The following PIK3C2A variants were observed in gnomAD, a reference collection of about 807,000 sequenced individuals.
PIK3C2A encodes phosphatidylinositol 4-phosphate 3-kinase C2 domain-containing subunit alpha.
A neutral mutation model predicts 204.5 loss-of-function variants in PIK3C2A; 97 were observed. That is an observed-to-expected ratio of 0.47 (90% CI 0.40 to 0.56). PIK3C2A has a LOEUF of 0.56. PIK3C2A is among the 20% of genes least tolerant of loss of function. PIK3C2A has a pLI of 0.00. For synonymous variants in PIK3C2A, 653 were observed against 664.4 expected (o/e 0.98, Z 0.26); for missense variants, 1,735 against 1,969.2 (o/e 0.88, Z 2.25).
chr11:17,108,123 C>T lies in PIK3C2A; in HGVS notation c.3544+2309G>A, dbSNP rs549579711. Among the ~76,000 whole-genome samples, 16 of 152,320 alleles carry T rather than the reference C, an allele frequency of 1.1e-4. No homozygotes were observed. In the East Asian group the frequency reaches 2.9e-3, roughly 28 times the overall value. On this transcript the variant is annotated intron_variant, in intron 22 of 32. Coordinates refer to ENST00000691414, the MANE Select transcript of PIK3C2A (RefSeq NM_002645.4). Reference sequence around the variant, plus strand: ...CTGGCCTCAAGGGATCTGCCCGCCTCGGCCTCCCAAAGTGCTGGGATTACA... The same window carrying T: ...CTGGCCTCAAGGGATCTGCCCGCCTTGGCCTCCCAAAGTGCTGGGATTACA...
intron 8 of PIK3C2A, 32 bp from the exon 9 acceptor site, chr11:17,136,657 T>G: frequency 7.5e-7 from 1 of 1,331,294 alleles, no homozygotes; most frequent in Non-Finnish European, 1.0e-6. Context: ...TAAAAATAGG[T>G]AGGTGAAATT....
chr11:17,205,959 G>T (rs1852558096), intron 1 of PIK3C2A, among the ~76,000 whole-genome samples: 1 of 152,030 alleles, frequency 6.6e-6, no homozygotes, highest in Non-Finnish European at 1.5e-5. Context: ...AGTCTCTATT[G>T]AAAAAACACA....
intron 16 of PIK3C2A, 55 bp downstream of exon 16, chr11:17,119,731 A>T: frequency 9.2e-7 from 1 of 1,082,028 alleles, no homozygotes; most frequent in Non-Finnish European, 1.3e-6. Flanking sequence ...CTGGCAACAT[A>T]CCTTACTGGA....
chr11:17,122,028 TA>T (rs376913282), intron 15 of PIK3C2A, among the ~76,000 whole-genome samples, 159 bp downstream of exon 15: 302 of 134,542 alleles, frequency 2.2e-3, no homozygotes, highest in Non-Finnish European at 3.0e-3. Flanking sequence ...TGTAGATTAT[TA>T]AAAAAAAAAA....
rs61763072 is a variant in PIK3C2A, at chr11:17,114,920, G to T, written c.3217-455C>A. Among the ~76,000 whole-genome samples the T allele has an allele frequency of 8.2e-3, 1,252 of 152,196 alleles. 20 individuals are homozygous for T. The highest frequency in any genetic ancestry group is 0.028 in the African/African-American group (1,177 of 41,522). On this transcript the variant is annotated intron_variant, in intron 19 of 32. Transcript: ENST00000691414. ...GCTATTTCACCTGTAGGAATTTTCTGAAAGAAATACTAGCAAAGAAATAAA... is the reference window on the plus strand; with the variant it reads ...GCTATTTCACCTGTAGGAATTTTCTTAAAGAAATACTAGCAAAGAAATAAA...
rs745438056 is a variant in PIK3C2A, at chr11:17,168,762, G to T, written c.980C>A (p.Ser327Tyr). Residue 327 changes from serine (S) to tyrosine (Y), a missense_variant, in exon 2 of 33, where the codon TCC becomes TAC. Physicochemically the swap from Ser to Tyr is moderately radical, Grantham distance 144 (BLOSUM62 -2). This residue lies in a region of PIK3C2A where 536 missense variants were observed against 546.7 expected (regional missense o/e 0.98). Coordinates refer to ENST00000691414, the MANE Select transcript of PIK3C2A (RefSeq NM_002645.4). ...CHLERKVNGKSLSVATVTRSQ... is the reference protein window; with the variant it reads ...CHLERKVNGKYLSVATVTRSQ... ...TCTTGTAACAGTTGCCACAGAAAGG[G>T]ATTTTCCATTCACCTTTCTTTCAAG... is the stretch of plus-strand genomic sequence containing the variant. The T allele has an allele frequency of 6.2e-7, 1 of 1,613,836 alleles. No homozygotes were observed. Among genetic ancestry groups the T allele is most frequent in the South Asian group, 1.1e-5 (1 of 91,034 alleles).
At chr11:17,200,339 A>C (rs1472254764) in intron 1 of PIK3C2A, among the ~76,000 whole-genome samples, 1 of 152,206 alleles carries the variant, frequency 6.6e-6, no homozygotes, top group Non-Finnish European at 1.5e-5. Flanking sequence ...AACTAGGTGC[A>C]GGGTTTAAGG....
At chr11:17,097,026 G>A (rs758793641) in intron 27 of PIK3C2A, 31 bp downstream of exon 27, 11 of 1,241,952 alleles carry the variant, frequency 8.9e-6, no homozygotes, top group Non-Finnish European at 1.3e-5. Context: ...ATACATGCAT[G>A]ATTGTTTATG....
chr11:17,129,370 C>T lies in PIK3C2A; in HGVS notation c.2329G>A (p.Asp777Asn), dbSNP rs149664988. ...GGTCCCTTTCTCTGCTTATTAGAAT[C>T]AGGGGAACTTCCACTGCTCTGATTT... The part of the protein sequence containing the change: ...ILNQSSGSSP[D>N]SNKQRKGPEA... Residue 777 changes from aspartate to asparagine, a missense_variant, in exon 13 of 33, where the codon GAT (aspartate) becomes AAT (asparagine). This residue lies in a region of PIK3C2A where 567 missense variants were observed against 576.0 expected (regional missense o/e 0.98). Transcript: ENST00000691414. The T allele has an allele frequency of 6.5e-4, 1,053 of 1,613,366 alleles. No homozygotes were observed. Among genetic ancestry groups the T allele is most frequent in the Middle Eastern group, 2.8e-3 (17 of 6,062 alleles).
intron 1 of PIK3C2A, chr11:17,194,089 C>A: frequency 2.1e-6 from 1 of 482,426 alleles, no homozygotes; most frequent in South Asian, 6.2e-5. Flanking sequence ...AGGTTAAGCC[C>A]AAGATCCCAA....
At chr11:17,203,812 C>T (rs1048805046) in intron 1 of PIK3C2A, among the ~76,000 whole-genome samples, 14 of 152,316 alleles carry the variant, frequency 9.2e-5, no homozygotes, top group African/African-American at 3.4e-4. Context: ...GTGGCTCACG[C>T]CTGTAATCCC....
At chr11:17,196,888 T>C (rs1257637970) in intron 1 of PIK3C2A, among the ~76,000 whole-genome samples, 12 of 151,818 alleles carry the variant, frequency 7.9e-5, no homozygotes, top group Admixed American at 7.9e-4. Flanking sequence ...AAGGATACAA[T>C]TTTCAATAGG....
At position 17,099,937 on chromosome 11, in the gene PIK3C2A, A is replaced by G; in HGVS notation, c.4041T>C (p.Ser1347=). The G allele has an allele frequency of 6.3e-7, 1 of 1,588,166 alleles. No individual in the cohort carries two copies. The highest frequency in any genetic ancestry group is 8.6e-7 in the Non-Finnish European group (1 of 1,156,956). Residue 1347 remains serine (S), a synonymous_variant, in exon 26 of 33, where the codon AGT becomes AGC. Transcript: ENST00000691414. ...MIPSGLPELT[S]IQDLKYVRDA... is the part of the protein sequence containing the mutation. ...CTCTAACGTATTTCAAATCTTGAAT[A>G]CTTGTAAGTTCTGGTAACCCTGAAG... is the stretch of plus-strand genomic sequence containing the variant.
intron 6 of PIK3C2A, 77 bp from the exon 7 acceptor site, chr11:17,146,019 G>A: frequency 9.8e-7 from 1 of 1,017,706 alleles, no homozygotes; most frequent in South Asian, 1.5e-5. Context: ...ATAGTTAAGT[G>A]TATGATAAAA....
At chr11:17,100,088 G>C (rs1848573542) in intron 25 of PIK3C2A, 119 bp from the exon 26 acceptor site, 4 of 582,206 alleles carry the variant, frequency 6.9e-6, no homozygotes, top group Admixed American at 3.2e-5. Context: ...TCAGTCTTGA[G>C]GGGTTCATTA....
intron 1 of PIK3C2A, among the ~76,000 whole-genome samples, chr11:17,196,887 A>G: frequency 6.6e-6 from 1 of 151,968 alleles, no homozygotes; most frequent in East Asian, 1.9e-4. Flanking sequence ...CAAGGATACA[A>G]TTTTCAATAG....
At chr11:17,126,069 A>G (rs1268753676) in intron 13 of PIK3C2A, among the ~76,000 whole-genome samples, 1 of 152,108 alleles carries the variant, frequency 6.6e-6, no homozygotes, top group Non-Finnish European at 1.5e-5. Context: ...GGTTGCAGTG[A>G]GCCAAGATCA....
intron 5 of PIK3C2A, chr11:17,148,327 G>A (rs1011318378): frequency 1.2e-5 from 2 of 173,802 alleles, no homozygotes; most frequent in African/African-American, 4.7e-5. Context: ...AACAGTGCAT[G>A]TTGCAAGAGG....
At chr11:17,129,678 G>A (rs548767223) in intron 12 of PIK3C2A, among the ~76,000 whole-genome samples, 9 of 152,260 alleles carry the variant, frequency 5.9e-5, no homozygotes, top group South Asian at 2.1e-4. Context: ...TGCAACCTCC[G>A]CCTCCTGGGT....
Sources: gnomAD v4.1 joint callset for allele counts (sites outside exome capture counted in the v4.1 genomes callset) on GRCh38, gnomAD v4.1.1 for gene constraint, gnomAD v4.1.1 regional missense constraint, MANE v1.5 for transcripts, NCBI Gene and HGNC (gene_info 2026-07-23, HGNC 2026-07-21) for gene names.